The following SUGCT variants were observed in gnomAD, a reference collection of about 807,000 sequenced individuals.
The protein encoded by SUGCT is succinyl-CoA:glutarate CoA-transferase.
SUGCT carries 41 observed loss-of-function variants against 55.0 expected under a neutral mutation model. The ratio of observed to expected loss-of-function variants is 0.74; its 90% CI spans 0.58 to 0.97. The LOEUF (loss-of-function observed/expected upper bound fraction) is 0.97. Ranked by LOEUF, SUGCT falls within the 50% of genes least tolerant of loss-of-function variation. The pLI is 0.00. For synonymous variants in SUGCT, 187 were observed against 200.4 expected, an observed-to-expected ratio of 0.93 and a Z score of 0.56; for missense variants, 568 against 547.8, an observed-to-expected ratio of 1.04 and a Z score of -0.37.
At chr7:40,135,656 C>A (rs1315972677) in intron 1 of SUGCT, among the ~76,000 whole-genome samples, 1 of 151,902 alleles carries the variant, frequency 6.6e-6, no homozygotes, top group African/African-American at 2.4e-5. Context: ...TTCCTTTTTT[C>A]TTTTTTTCTC....
chr7:40,832,183 T>G (rs146422705), intron 13 of SUGCT, among the ~76,000 whole-genome samples: 1 of 152,266 alleles, frequency 6.6e-6, no homozygotes, highest in Non-Finnish European at 1.5e-5. Flanking sequence ...CACAGAGTCC[T>G]GAAAAGTAAC....
chr7:40,189,529 T>TATA lies in SUGCT; in HGVS notation c.313-15_313-14insATA. The TATA allele has an allele frequency of 2.0e-6, 2 of 1,008,264 alleles. No individual in the cohort carries two copies. Among genetic ancestry groups the TATA allele is most frequent in the Non-Finnish European group, 2.6e-6 (2 of 759,970 alleles). The allele number at this position is 1,008,264 out of a possible 1,614,324, so 62.5% of individuals were successfully genotyped here. A position where few individuals can be genotyped will look rare whatever the true frequency, so the allele number is the denominator to read the frequency against. On this transcript the variant is annotated splice_polypyrimidine_tract_variant and intron_variant, in intron 4 of 13. Transcript: ENST00000335693. The stretch of plus-strand genomic sequence containing the variant: ...CATCGAAATAATATATATATATATA[T>TATA]TTTTTAATTTTTAGAGTATTGCTGT...
At chr7:40,185,999 A>G (rs1422575899) in intron 3 of SUGCT, among the ~76,000 whole-genome samples, 1 of 152,134 alleles carries the variant, frequency 6.6e-6, no homozygotes, top group African/African-American at 2.4e-5. Context: ...TCACATTTCA[A>G]TAGAAAACTA....
chr7:40,727,405 C>T (rs1350281442), intron 12 of SUGCT, among the ~76,000 whole-genome samples: 3 of 152,146 alleles, frequency 2.0e-5, no homozygotes. Flanking sequence ...GGAATCTAGC[C>T]CATTGGACCA....
intron 13 of SUGCT, among the ~76,000 whole-genome samples, chr7:40,848,866 T>A (rs1793713983): frequency 1.3e-5 from 2 of 152,192 alleles, no homozygotes; most frequent in South Asian, 4.1e-4. Context: ...TGTTTTTATA[T>A]CACATCTAAT....
chr7:40,554,733 T>C (rs1242176832), intron 12 of SUGCT, among the ~76,000 whole-genome samples: 1 of 152,242 alleles, frequency 6.6e-6, no homozygotes, highest in African/African-American at 2.4e-5. Context: ...GTTTCTCATA[T>C]ATTTTCCTCC....
At chr7:40,183,866 A>C (rs2150716050) in intron 3 of SUGCT, among the ~76,000 whole-genome samples, 1 of 152,236 alleles carries the variant, frequency 6.6e-6, no homozygotes, top group South Asian at 2.1e-4. Flanking sequence ...GTTATTGATA[A>C]AGTTGCTTAG....
At chr7:40,367,956 A>T (rs981047876) in intron 9 of SUGCT, among the ~76,000 whole-genome samples, 1 of 151,862 alleles carries the variant, frequency 6.6e-6, no homozygotes, top group African/African-American at 2.4e-5. Context: ...CAGGCAAACC[A>T]CCTGCTTTCA....
chr7:40,386,571 C>T (rs777579215), intron 9 of SUGCT, among the ~76,000 whole-genome samples: 4 of 152,200 alleles, frequency 2.6e-5, no homozygotes, highest in African/African-American at 4.8e-5. Context: ...ATGTTCTATA[C>T]GTTGCAGGAT....
intron 9 of SUGCT, among the ~76,000 whole-genome samples, chr7:40,415,060 A>ATC (rs1562760019): frequency 9.6e-5 from 8 of 83,146 alleles, no homozygotes; most frequent in East Asian, 6.9e-4. Flanking sequence ...AAAAAAAAAA[A>ATC]AATCTATCTA....
At chr7:40,177,862 G>A (rs369169782) in intron 1 of SUGCT, among the ~76,000 whole-genome samples, 236 of 152,226 alleles carry the variant, frequency 1.6e-3, no homozygotes, top group African/African-American at 5.3e-3. Context: ...AGATTATCCT[G>A]TCTCAGCCTC....
chr7:40,286,855 AC>A (rs1326443039), intron 8 of SUGCT, among the ~76,000 whole-genome samples: 1 of 152,022 alleles, frequency 6.6e-6, no homozygotes, highest in East Asian at 1.9e-4. Flanking sequence ...GGAAAGAGGG[AC>A]TTTCTTGGCA....
At chr7:40,336,168 T>C (rs1271148733) in intron 9 of SUGCT, among the ~76,000 whole-genome samples, 1 of 152,212 alleles carries the variant, frequency 6.6e-6, no homozygotes, top group East Asian at 1.9e-4. Flanking sequence ...TACTGAGGAT[T>C]TTTGCATCGA....
chr7:40,661,753 A>G (rs962235165), intron 12 of SUGCT, among the ~76,000 whole-genome samples: 2 of 152,146 alleles, frequency 1.3e-5, no homozygotes, highest in Non-Finnish European at 2.9e-5. Context: ...CTTCTGAAAC[A>G]TGGTCTTTTC....
At chr7:40,993,750 C>A in the SUGCT span, among the ~76,000 whole-genome samples, 13 of 152,274 alleles carry the variant, frequency 8.5e-5, no homozygotes, top group Admixed American at 3.3e-4. Context: ...GAACTGGATG[C>A]CGCTCAGAGC....
In SUGCT at chr7:40,696,021, T is replaced by C. The variant is rs537012971; in HGVS notation, c.1090-53413T>C. Among the ~76,000 whole-genome samples the C allele has an allele frequency of 3.9e-5, 6 of 152,318 alleles. 1 individual carries two copies. The South Asian group carries it at 1.2e-3, about 32-fold the overall frequency. ...TCTGATTAGAAAATGCTTGTCTACT[T>C]ACTACTGTATACCACCAACCCATCC... On this transcript the variant is annotated intron_variant, in intron 12 of 13. Transcript: ENST00000335693.
intron 12 of SUGCT, among the ~76,000 whole-genome samples, chr7:40,499,910 T>G (rs1270717880): frequency 6.6e-6 from 1 of 152,200 alleles, no homozygotes; most frequent in Non-Finnish European, 1.5e-5. Context: ...TGGGAACATG[T>G]GCATGAAATA....
intron 8 of SUGCT, among the ~76,000 whole-genome samples, chr7:40,285,773 T>A (rs1793297466): frequency 6.6e-6 from 1 of 152,208 alleles, no homozygotes; most frequent in Non-Finnish European, 1.5e-5. Context: ...TTAATGTTTA[T>A]AATTGGTTTG....
intron 6 of SUGCT, among the ~76,000 whole-genome samples, chr7:40,199,355 T>G (rs181733160): frequency 6.6e-6 from 1 of 152,192 alleles, no homozygotes; most frequent in Non-Finnish European, 1.5e-5. Flanking sequence ...TTTATTAGCA[T>G]GGTCCTCTTA....
Sources: allele counts gnomAD v4.1 joint callset (sites outside exome capture counted in the v4.1 genomes callset), GRCh38; gene constraint gnomAD v4.1.1; transcripts MANE v1.5; gene names NCBI Gene and HGNC (gene_info 2026-07-23, HGNC 2026-07-21).